RUFY2: variants seen among roughly 807,000 people sequenced by gnomAD.
RUFY2 encodes RUN and FYVE domain-containing protein 2.
Under a neutral mutation model 94.4 loss-of-function variants are expected in RUFY2, and 49 were observed. The ratio of observed to expected loss-of-function variants is 0.52; its 90% CI spans 0.41 to 0.66. RUFY2 has a LOEUF of 0.66. RUFY2 is among the 30% of genes least tolerant of loss of function. The pLI, the probability that RUFY2 is intolerant of heterozygous loss-of-function variation, is 0.00. For synonymous variants in RUFY2, 255 were observed against 235.7 expected (o/e 1.08, Z -0.75); for missense variants, 541 against 692.8 (o/e 0.78, Z 2.46).
chr10:68,385,378 G>A (rs569426176), intron 8 of RUFY2, among the ~76,000 whole-genome samples: 8 of 151,990 alleles, frequency 5.3e-5, no homozygotes, highest in African/African-American at 1.9e-4. Context: ...ATAATTCTGT[G>A]ATTTAATACA....
intron 16 of RUFY2, among the ~76,000 whole-genome samples, chr10:68,347,133 A>AG (rs1491338486): frequency 2.0e-5 from 3 of 152,024 alleles, no homozygotes; most frequent in African/African-American, 7.2e-5. Flanking sequence ...CTCAAGAAAA[A>AG]GAGGGGAAAA....
intron 1 of RUFY2, among the ~76,000 whole-genome samples, chr10:68,405,130 T>C (rs575702387): frequency 1.5e-4 from 23 of 152,090 alleles, no homozygotes; most frequent in African/African-American, 5.5e-4. Context: ...CTGGCCAACA[T>C]GGTGAAACCC....
chr10:68,379,893 C>T (rs1454738301), intron 11 of RUFY2, among the ~76,000 whole-genome samples: 2 of 151,476 alleles, frequency 1.3e-5, no homozygotes, highest in African/African-American at 2.4e-5. Context: ...CTGCAAGCTC[C>T]GCCTCTCAGG....
Position 68,354,970 on chromosome 10 carries a change from C to CT in RUFY2, c.1599+382dup, listed in dbSNP as rs2046943863. 3.3e-5 allele frequency among the ~76,000 whole-genome samples: 5 copies of CT among 151,986 alleles called. No homozygotes were observed. In the South Asian group the frequency reaches 1.0e-3, roughly 32 times the overall value. On this transcript the variant is annotated intron_variant, in intron 16 of 17. Coordinates refer to ENST00000602465, the MANE Select transcript of RUFY2 (RefSeq NM_001330103.2). ...CAAGCAATTCTCCTGCCTCAGCCTC[C>CT]TGAGTGGCTGGGATTACAGGCACCC...
Position 68,363,582 on chromosome 10 carries a change from G to C in RUFY2, c.1550+8C>G. The C allele has an allele frequency of 6.4e-7, 1 of 1,571,520 alleles. No individual in the cohort carries two copies. Among genetic ancestry groups the C allele is most frequent in the Non-Finnish European group, 8.6e-7 (1 of 1,159,240 alleles). ...ATGACTACTTAGTTGAAGGAAAAAA[G>C]AAATTACTCGCTAAGCTTGTTGCCG... On this transcript the variant is annotated splice_region_variant and intron_variant, in intron 15 of 17. Coordinates refer to ENST00000602465, the MANE Select transcript of RUFY2 (RefSeq NM_001330103.2).
At chr10:68,396,919 G>T in intron 3 of RUFY2, 38 bp from the exon 4 acceptor site, 1 of 1,368,386 alleles carries the variant, frequency 7.3e-7, no homozygotes, top group Non-Finnish European at 1.0e-6. Context: ...AACAGCCCTA[G>T]CCCAAAGATC....
downstream of RUFY2, chr10:68,341,261 A>G (rs2045915398): frequency 6.2e-7 from 1 of 1,607,002 alleles, no homozygotes; most frequent in South Asian, 1.1e-5. Context: ...AGAGTTTGTG[A>G]CACATGAAGA....
intron 11 of RUFY2, among the ~76,000 whole-genome samples, chr10:68,380,096 C>T (rs1199496891): frequency 6.6e-6 from 1 of 151,484 alleles, no homozygotes; most frequent in Non-Finnish European, 1.5e-5. Flanking sequence ...GCATGAGCCA[C>T]CGCACACGGC....
intron 16 of RUFY2, among the ~76,000 whole-genome samples, chr10:68,351,155 G>A (rs550939538): frequency 5.6e-5 from 6 of 107,878 alleles, no homozygotes; most frequent in South Asian, 2.9e-4. Context: ...TTTTTGAGAC[G>A]GAGTCTCACC....
chr10:68,347,227 G>C (rs1367574593), intron 16 of RUFY2, among the ~76,000 whole-genome samples: 2 of 146,322 alleles, frequency 1.4e-5, no homozygotes, highest in East Asian at 4.2e-4. Flanking sequence ...GTAAACGTTA[G>C]TAAAAAAATG....
chr10:68,344,198 AAAATATTCATTTCATACTTAGGCTATT>A lies in RUFY2; in HGVS notation c.*1543_*1569del. 6.6e-6 allele frequency: 1 copy of A among 152,334 alleles called. No individual in the cohort carries two copies. Among genetic ancestry groups the A allele is most frequent in the African/African-American group, 2.4e-5 (1 of 41,572 alleles). 9.4% of individuals were successfully genotyped at this position (152,334 alleles called of 1,614,324 possible). Reference sequence around the variant, plus strand: ...TTTTGGAAAAAATAGATCTTCAAGTAAAATATTCATTTCATACTTAGGCTATTCAGAAAAATTTAAATTTCATGGAAG... The same window carrying A: ...TTTTGGAAAAAATAGATCTTCAAGTACAGAAAAATTTAAATTTCATGGAAG... On this transcript the variant is annotated 3_prime_UTR_variant, in exon 18 of 18. Transcript: ENST00000602465.
At chr10:68,377,470 T>C (rs2132702825) in intron 12 of RUFY2, 1 of 992,014 alleles carries the variant, frequency 1.0e-6, no homozygotes, top group South Asian at 4.6e-5. Context: ...GCCAAGTCCT[T>C]CTTACGGCAT....
In RUFY2 at chr10:68,349,600, G is replaced by A. The variant is rs562974296; in HGVS notation, c.1600-3516C>T. Among the ~76,000 whole-genome samples the A allele has an allele frequency of 1.7e-4, 26 of 151,960 alleles. No homozygotes were observed. The South Asian group carries it at 5.4e-3, about 32-fold the overall frequency. Reference sequence around the variant, plus strand: ...GTCACCCAGGCTGGAGTGCAGTGGTGCAATCTCGGCTCACTGCAAGCTCCG... The same window carrying A: ...GTCACCCAGGCTGGAGTGCAGTGGTACAATCTCGGCTCACTGCAAGCTCCG... On this transcript the variant is annotated intron_variant, in intron 16 of 17. Transcript: ENST00000602465.
intron 16 of RUFY2, among the ~76,000 whole-genome samples, chr10:68,353,491 C>T (rs973522860): frequency 9.9e-5 from 15 of 151,294 alleles, no homozygotes; most frequent in African/African-American, 3.4e-4. Flanking sequence ...AGCAAGACTC[C>T]GTCTCAAAAA....
chr10:68,393,733 A>T (rs2050171358), intron 6 of RUFY2: 1 of 287,806 alleles, frequency 3.5e-6, no homozygotes, highest in African/African-American at 2.4e-5. Flanking sequence ...TGTCTCAAAA[A>T]AAAAAAAACA....
chr10:68,346,201 T>G, intron 16 of RUFY2, 117 bp from the exon 17 acceptor site: 1 of 771,246 alleles, frequency 1.3e-6, no homozygotes, highest in East Asian at 2.7e-5. Context: ...GAAAATAAGT[T>G]ATTTTCTTTG....
intron 16 of RUFY2, chr10:68,346,742 G>C (rs2134899069): frequency 6.6e-6 from 1 of 152,238 alleles, no homozygotes; most frequent in Non-Finnish European, 1.5e-5. Flanking sequence ...ATGGAGAATG[G>C]GGTATCCTAG....
chr10:68,404,848 A>C lies in RUFY2; in HGVS notation c.5-4T>G. 6.5e-7 allele frequency: 1 copy of C among 1,539,380 alleles called. No individual in the cohort carries two copies. The highest frequency in any genetic ancestry group is 8.8e-7 in the Non-Finnish European group (1 of 1,141,666). On this transcript the variant is annotated splice_region_variant and splice_polypyrimidine_tract_variant and intron_variant, in intron 1 of 17. Coordinates refer to ENST00000602465, the MANE Select transcript of RUFY2 (RefSeq NM_001330103.2). ...ACAGCTGTGGGGTCTTTTGTAGCTGAAAACACAAGAAAGGAATCCAACATC... is the reference window on the plus strand; with the variant it reads ...ACAGCTGTGGGGTCTTTTGTAGCTGCAAACACAAGAAAGGAATCCAACATC...
intron 15 of RUFY2, among the ~76,000 whole-genome samples, chr10:68,361,140 G>A (rs980830764): frequency 6.6e-6 from 1 of 151,568 alleles, no homozygotes; most frequent in African/African-American, 2.4e-5. Flanking sequence ...CAGGTGTGGT[G>A]GTGGGCGCCA....
Sources: allele counts gnomAD v4.1 joint callset (sites outside exome capture counted in the v4.1 genomes callset), GRCh38; gene constraint gnomAD v4.1.1; transcripts MANE v1.5; gene names NCBI Gene and HGNC (gene_info 2026-07-23, HGNC 2026-07-21).